The following SYDE2 variants were observed in gnomAD, a reference collection of about 807,000 sequenced individuals.
SYDE2 encodes the protein rho GTPase-activating protein SYDE2.
SYDE2 carries 76 observed loss-of-function variants against 91.5 expected under a neutral mutation model. The observed-to-expected ratio is 0.83, with a 90% CI of 0.69 to 1.01. The LOEUF is 1.01. Among genes scored for constraint, SYDE2 ranks in the 50% least tolerant of loss-of-function variants. The pLI is 0.00. For missense variants in SYDE2, 1,364 were observed against 1,367.7 expected (o/e 1.00, Z 0.04); for synonymous variants, 513 against 506.4 (o/e 1.01, Z -0.18).
rs1037028479 is a variant in SYDE2 at position 85,166,204 on chromosome 1, G to A, written c.2854-1447C>T. 2.6e-5 allele frequency among the ~76,000 whole-genome samples: 4 copies of A among 152,084 alleles called. 1 individual carries two copies. The highest frequency in any genetic ancestry group is 1.5e-5 in the Non-Finnish European group (1 of 67,988). ...AAAATACAAAAAAATAGCTGGTGTG[G>A]TGGTGCACACCTGTAATCCCAGCTA... is the stretch of plus-strand genomic sequence containing the variant. On this transcript the variant is annotated intron_variant, in intron 5 of 6. Transcript: ENST00000341460.
At chr1:85,155,499 AG>A (rs1176560591), downstream of SYDE2, among the ~76,000 whole-genome samples, 7 of 152,144 alleles carry the variant, frequency 4.6e-5, no homozygotes, top group Non-Finnish European at 7.4e-5. Flanking sequence ...TTAAAAAAAA[AG>A]AAATAAAAGC....
intron 1 of SYDE2, among the ~76,000 whole-genome samples, chr1:85,192,802 C>T (rs552642223): frequency 6.6e-6 from 1 of 152,244 alleles, no homozygotes; most frequent in East Asian, 1.9e-4. Context: ...ACCTTAAAAC[C>T]CATGCTCTAC....
At chr1:85,172,588 C>T (rs1332058301) in intron 4 of SYDE2, among the ~76,000 whole-genome samples, 3 of 152,122 alleles carry the variant, frequency 2.0e-5, no homozygotes, top group Non-Finnish European at 4.4e-5. Flanking sequence ...TCTGACAATA[C>T]TATGTCTAAG....
At position 85,182,591 on chromosome 1, in the gene SYDE2, A is replaced by G. The variant is rs891427062; in HGVS notation, c.2051T>C (p.Val684Ala). 1.2e-6 allele frequency: 2 copies of G among 1,613,850 alleles called. No individual in the cohort carries two copies. Among genetic ancestry groups the G allele is most frequent in the African/African-American group, 2.7e-5 (2 of 74,942 alleles). ...TAAATCCTCAGCACCATAGAAATGTACACTCATGAGCCCAGATATGTACTG... is the reference window on the plus strand; with the variant it reads ...TAAATCCTCAGCACCATAGAAATGTGCACTCATGAGCCCAGATATGTACTG... ...CSQYISGLMS[V>A]HFYGAEDLKP... The change falls in exon 3 of 7, where the codon GTA becomes GCA. Residue 684 changes from valine to alanine, a missense_variant. Transcript: ENST00000341460.
At chr1:85,190,795 A>T in intron 1 of SYDE2, 43 bp from the exon 2 acceptor site, 1 of 1,490,022 alleles carries the variant, frequency 6.7e-7, no homozygotes, top group Non-Finnish European at 9.0e-7. Context: ...AATGGCTGGT[A>T]TATCAGAAAG....
At chr1:85,175,461 G>A (rs1657660869) in intron 4 of SYDE2, among the ~76,000 whole-genome samples, 1 of 152,104 alleles carries the variant, frequency 6.6e-6, no homozygotes, top group South Asian at 2.1e-4. Flanking sequence ...TCCAGCTTGG[G>A]CTACAGAGTG....
chr1:85,175,164 C>CT (rs954430754), intron 4 of SYDE2, among the ~76,000 whole-genome samples: 3 of 152,144 alleles, frequency 2.0e-5, no homozygotes, highest in African/African-American at 7.2e-5. Context: ...CAATAGATGA[C>CT]TTTTAAAAAG....
At chr1:85,155,490 T>TAA (rs374745850), downstream of SYDE2, among the ~76,000 whole-genome samples, 26 of 151,624 alleles carry the variant, frequency 1.7e-4, no homozygotes, top group African/African-American at 6.1e-4. Flanking sequence ...AGATTTTTTT[T>TAA]AAAAAAAAAG....
At chr1:85,177,809 G>A (rs897243711) in intron 4 of SYDE2, among the ~76,000 whole-genome samples, 2 of 152,130 alleles carry the variant, frequency 1.3e-5, no homozygotes, top group African/African-American at 4.8e-5. Flanking sequence ...TCTCTAACCA[G>A]ATAGTCAATA....
intron 4 of SYDE2, among the ~76,000 whole-genome samples, chr1:85,174,295 T>C (rs943115169): frequency 6.6e-6 from 1 of 152,176 alleles, no homozygotes; most frequent in Non-Finnish European, 1.5e-5. Flanking sequence ...ACTTTATTGA[T>C]AGTTACAGCA....
At chr1:85,178,309 G>T in intron 3 of SYDE2, 37 bp from the exon 4 acceptor site, 1 of 1,524,384 alleles carries the variant, frequency 6.6e-7, no homozygotes, top group South Asian at 1.3e-5. Context: ...CAGTAAATTT[G>T]ATAAAGGGAA....
chr1:85,173,624 G>A (rs2100658728), intron 4 of SYDE2, among the ~76,000 whole-genome samples: 1 of 152,226 alleles, frequency 6.6e-6, no homozygotes, highest in Admixed American at 6.5e-5. Context: ...AAAACTCTTT[G>A]CAAGTAACGT....
At chr1:85,199,875 G>A (rs904321191) in intron 1 of SYDE2, among the ~76,000 whole-genome samples, 46 of 152,024 alleles carry the variant, frequency 3.0e-4, no homozygotes, top group Admixed American at 1.2e-3. Context: ...AAAGTCTACG[G>A]ATTTGCCTAG....
chr1:85,192,333 A>C (rs934344449), intron 1 of SYDE2, among the ~76,000 whole-genome samples: 4 of 152,178 alleles, frequency 2.6e-5, no homozygotes, highest in Non-Finnish European at 5.9e-5. Context: ...GCCTGAGCCC[A>C]GGAATGTGAG....
intron 3 of SYDE2, among the ~76,000 whole-genome samples, chr1:85,180,907 C>T (rs1329681501): frequency 1.3e-5 from 2 of 151,946 alleles, no homozygotes; most frequent in African/African-American, 4.8e-5. Flanking sequence ...CTGAACTCTA[C>T]CCTCACTGCC....
At chr1:85,195,401 A>C (rs1408610132) in intron 1 of SYDE2, among the ~76,000 whole-genome samples, 1 of 152,188 alleles carries the variant, frequency 6.6e-6, no homozygotes, top group Non-Finnish European at 1.5e-5. Flanking sequence ...TTGGCAGTCC[A>C]GATGAAATTA....
At position 85,182,994 on chromosome 1, in the gene SYDE2, T is replaced by TCAA. The variant is rs369474903; in HGVS notation, c.1645_1647dup (p.Leu549dup). ...GTATTATCTGGACTGTTTATATAAT[T>TCAA]CAATGTTCCCTTAACGCTTAGCTTT... is the stretch of plus-strand genomic sequence containing the variant. On this transcript the variant is annotated inframe_insertion, in exon 3 of 7. Transcript: ENST00000341460. The TCAA allele has an allele frequency of 4.5e-4, 728 of 1,613,260 alleles. 4 individuals are homozygous for TCAA. The African/African-American group carries it at 8.5e-3, about 19-fold the overall frequency.
At position 85,190,469 on chromosome 1, in the gene SYDE2, A is replaced by C. The variant is rs1658322875; in HGVS notation, c.1029T>G (p.Cys343Trp). 1.9e-6 allele frequency: 3 copies of C among 1,613,962 alleles called. No individual in the cohort carries two copies. In the East Asian group the frequency reaches 6.7e-5, roughly 36 times the overall value. The change falls in exon 2 of 7, where the codon TGT (cysteine) becomes TGG (tryptophan). Residue 343 changes from cysteine to tryptophan, a missense_variant. Physicochemically the swap from Cys to Trp is radical, Grantham distance 215. Transcript: ENST00000341460. ...TCGATAATGAAGAGTTTGTAGCGTT[A>C]CATACCACATATGTACAGTACTCTT... The part of the protein sequence containing the change: ...SSKEYCTYVV[C>W]NATNSSLSKN...
Position 85,164,712 on chromosome 1 carries a change from A to AC in SYDE2, c.2898_2899insG (p.Tyr967ValfsTer3). ...CACGTCATCTTATTCACTTCATGAT[A>AC]GGAAGCCACCAATTTCAAATGATCC... On this transcript the variant is annotated frameshift_variant, in exon 6 of 7. Coordinates refer to ENST00000341460, the MANE Select transcript of SYDE2 (RefSeq NM_032184.2). LOFTEE classifies it high-confidence loss of function. 1 of 1,474,886 alleles carries AC rather than the reference A, an allele frequency of 6.8e-7. No homozygotes were observed. The highest frequency in any genetic ancestry group is 9.0e-7 in the Non-Finnish European group (1 of 1,112,746). 91.4% of individuals were successfully genotyped at this position (1,474,886 alleles called of 1,614,324 possible).
Sources: gnomAD v4.1 joint callset for allele counts (sites outside exome capture counted in the v4.1 genomes callset) on GRCh38, gnomAD v4.1.1 for gene constraint, MANE v1.5 for transcripts, NCBI Gene and HGNC (gene_info 2026-07-23, HGNC 2026-07-21) for gene names.